TSHR: variants seen among roughly 807,000 people sequenced by gnomAD.
The protein encoded by TSHR is thyroid stimulating hormone receptor.
In TSHR, 51 loss-of-function variants were observed where a neutral mutation model predicts 64.1. That is an observed-to-expected ratio of 0.80 (90% CI 0.64 to 1.01). The LOEUF (loss-of-function observed/expected upper bound fraction) is 1.01. TSHR is among the 50% of genes least tolerant of loss of function. The pLI, the probability that TSHR is intolerant of heterozygous loss-of-function variation, is 0.00. For synonymous variants in TSHR, 361 were observed against 361.9 expected (o/e 1.00, Z 0.03); for missense variants, 877 against 942.8 (o/e 0.93, Z 0.91).
chr14:81,122,458 A>C lies in TSHR; in HGVS notation c.692+14006A>C, dbSNP rs915994659. On this transcript the variant is annotated intron_variant, in intron 8 of 9. Transcript: ENST00000298171. ...AGATGGACATCTTATGAAAAAAAAAACAAACAGTTACATGACAAAGGAAAT... is the reference window on the plus strand; with the variant it reads ...AGATGGACATCTTATGAAAAAAAAACCAAACAGTTACATGACAAAGGAAAT... 2.0e-5 allele frequency among the ~76,000 whole-genome samples: 3 copies of C among 151,958 alleles called. No individual in the cohort carries two copies. The South Asian group carries it at 6.2e-4, about 32-fold the overall frequency.
chr14:81,062,897 T>A (rs920732426), intron 2 of TSHR, among the ~76,000 whole-genome samples: 11 of 152,100 alleles, frequency 7.2e-5, no homozygotes, highest in East Asian at 1.9e-4. Context: ...ATGTACTCAC[T>A]CCGTGGCCAT....
At chr14:81,068,893 A>T (rs927045212) in intron 3 of TSHR, among the ~76,000 whole-genome samples, 9 of 152,234 alleles carry the variant, frequency 5.9e-5, no homozygotes, top group African/African-American at 2.2e-4. Flanking sequence ...TTTATCATAA[A>T]TATGGAATTA....
Position 81,146,237 on chromosome 14 carries a change from A to G in TSHR, c.*1884A>G. On this transcript the variant is annotated 3_prime_UTR_variant, in exon 10 of 10. Coordinates refer to ENST00000298171, the MANE Select transcript of TSHR (RefSeq NM_000369.5). Reference sequence around the variant, plus strand: ...ACAGAGTCCTAGAAAAGTGACTTCAACAGAATTGTTACTAAAATTTGCACT... The same window carrying G: ...ACAGAGTCCTAGAAAAGTGACTTCAGCAGAATTGTTACTAAAATTTGCACT... 4.7e-6 allele frequency: 1 copy of G among 210,958 alleles called. No individual in the cohort carries two copies. The highest frequency in any genetic ancestry group is 9.6e-6 in the Non-Finnish European group (1 of 103,922). The allele number at this position is 210,958 out of a possible 1,614,324, so 13.1% of individuals were successfully genotyped here.
In TSHR at chr14:81,024,515, G is replaced by A. The variant is rs190149202; in HGVS notation, c.171-37633G>A. Among the ~76,000 whole-genome samples the A allele has an allele frequency of 3.1e-3, 471 of 152,200 alleles. 1 individual carries two copies. The highest frequency in any genetic ancestry group is 0.01 in the Middle Eastern group (3 of 294). On this transcript the variant is annotated intron_variant, in intron 1 of 9. Coordinates refer to ENST00000298171, the MANE Select transcript of TSHR (RefSeq NM_000369.5). ...GCCCACCTTGGCCTCCCAAAGTGCT[G>A]GGATTACAGGCTTGGGCCACCGTGC... is the stretch of plus-strand genomic sequence containing the variant.
At chr14:80,957,508 T>C (rs1177729379) in intron 1 of TSHR, among the ~76,000 whole-genome samples, 3 of 151,844 alleles carry the variant, frequency 2.0e-5, no homozygotes, top group African/African-American at 7.3e-5. Context: ...CAAATGAATA[T>C]GCCAGGTCTC....
chr14:80,999,074 T>G (rs1052336689), intron 1 of TSHR, among the ~76,000 whole-genome samples: 1 of 152,202 alleles, frequency 6.6e-6, no homozygotes, highest in Non-Finnish European at 1.5e-5. Flanking sequence ...AAAGAGGCAG[T>G]AGTTATTATA....
In TSHR at chr14:80,955,792, A is replaced by G; in HGVS notation, c.112A>G (p.Arg38Gly). 6.8e-6 allele frequency: 11 copies of G among 1,614,228 alleles called. No individual in the cohort carries two copies. Among genetic ancestry groups the G allele is most frequent in the Non-Finnish European group, 8.5e-6 (10 of 1,180,030 alleles). The change falls in exon 1 of 10, where the codon AGA becomes GGA. Residue 38 changes from arginine to glycine, a missense_variant. Arg to Gly is a moderately radical substitution (Grantham distance 125, BLOSUM62 -2). Coordinates refer to ENST00000298171, the MANE Select transcript of TSHR (RefSeq NM_000369.5). ...PCECHQEEDF[R>G]VTCKDIQRIP... ...CGAGTGCCATCAGGAGGAGGACTTC[A>G]GAGTCACCTGCAAGGATATTCAACG...
chr14:80,975,793 C>T (rs569670300), intron 1 of TSHR, among the ~76,000 whole-genome samples: 81 of 152,320 alleles, frequency 5.3e-4, no homozygotes, highest in Admixed American at 8.5e-4. Flanking sequence ...TCCTTGATTG[C>T]CTGGTGCCTT....
chr14:80,961,319 A>G (rs1887017289), intron 1 of TSHR, among the ~76,000 whole-genome samples: 2 of 152,262 alleles, frequency 1.3e-5, no homozygotes, highest in South Asian at 4.1e-4. Flanking sequence ...TATTAATCAA[A>G]TAATTACATA....
chr14:80,983,094 G>C (rs1429262151), intron 1 of TSHR: 13 of 648,228 alleles, frequency 2.0e-5, no homozygotes. Context: ...GATGCTTATT[G>C]AAAGCTTGCT....
chr14:81,028,095 C>G (rs186031241), intron 1 of TSHR, among the ~76,000 whole-genome samples: 1 of 152,146 alleles, frequency 6.6e-6, no homozygotes, highest in East Asian at 1.9e-4. Context: ...GAAGAGAGAC[C>G]TTACGATACA....
chr14:81,073,004 A>T (rs1443878205), intron 3 of TSHR, among the ~76,000 whole-genome samples: 1 of 69,126 alleles, frequency 1.4e-5, no homozygotes, highest in Non-Finnish European at 2.7e-5. Context: ...CTCAAAAAAA[A>T]AAAAAAATAA....
At position 81,144,782 on chromosome 14, in the gene TSHR, C is replaced by T. The variant is rs977704282; in HGVS notation, c.*429C>T. The T allele has an allele frequency of 2.8e-5, 7 of 254,068 alleles. No individual in the cohort carries two copies. Among genetic ancestry groups the T allele is most frequent in the South Asian group, 1.3e-4 (1 of 7,988 alleles). The allele number at this position is 254,068 out of a possible 1,614,324, so 15.7% of individuals were successfully genotyped here. ...TGACCACAAGATAAAATCAGTCCCA[C>T]GTTGGCTCAGTTCAACTAGATGTTC... On this transcript the variant is annotated 3_prime_UTR_variant, in exon 10 of 10. Coordinates refer to ENST00000298171, the MANE Select transcript of TSHR (RefSeq NM_000369.5).
intron 5 of TSHR, 151 bp downstream of exon 5, chr14:81,091,294 G>T: frequency 1.3e-6 from 1 of 756,142 alleles, no homozygotes; most frequent in South Asian, 1.5e-5. Context: ...ATGAAGTAAG[G>T]CAAGGACTGA....
chr14:81,089,186 C>G lies in TSHR; in HGVS notation c.392+1158C>G, dbSNP rs191379951. Among the ~76,000 whole-genome samples, 34 of 152,120 alleles carry G rather than the reference C, an allele frequency of 2.2e-4. No homozygotes were observed. The East Asian group carries it at 6.6e-3, about 29-fold the overall frequency. ...TATTTTTAGTAGAGATGGGGTTTCA[C>G]CATGTTGGCCAGGCTGGTGTCGAAC... On this transcript the variant is annotated intron_variant, in intron 4 of 9. Coordinates refer to ENST00000298171, the MANE Select transcript of TSHR (RefSeq NM_000369.5).
chr14:80,989,997 G>T (rs1289271875), intron 1 of TSHR, among the ~76,000 whole-genome samples: 1 of 152,106 alleles, frequency 6.6e-6, no homozygotes, highest in Admixed American at 6.6e-5. Context: ...CAAAAGTCAA[G>T]GATTAAATTT....
intron 1 of TSHR, chr14:81,011,960 T>C (rs1889933169): frequency 6.6e-6 from 1 of 152,170 alleles, no homozygotes; most frequent in African/African-American, 2.4e-5. Flanking sequence ...ATCATAATAC[T>C]TTAAGTTTTA....
intron 1 of TSHR, among the ~76,000 whole-genome samples, chr14:80,978,858 A>C (rs1043075205): frequency 1.3e-5 from 2 of 152,126 alleles, no homozygotes; most frequent in South Asian, 2.1e-4. Context: ...ATGATGCTGG[A>C]TGGTTTTGAG....
At chr14:81,005,268 T>G (rs1889542925) in intron 1 of TSHR, among the ~76,000 whole-genome samples, 1 of 152,060 alleles carries the variant, frequency 6.6e-6, no homozygotes, top group Admixed American at 6.6e-5. Context: ...TCTCTGTGTG[T>G]GTACTCTCAA....
Sources: allele counts gnomAD v4.1 joint callset (sites outside exome capture counted in the v4.1 genomes callset), GRCh38; gene constraint gnomAD v4.1.1; transcripts MANE v1.5; gene names NCBI Gene and HGNC (gene_info 2026-07-23, HGNC 2026-07-21).